Variants in OMA1 observed in about 807,000 individuals in gnomAD.
The protein encoded by OMA1 is metalloendopeptidase OMA1, mitochondrial.
Under a neutral mutation model 30.9 loss-of-function variants are expected in OMA1, and 38 were observed. That is an observed-to-expected ratio of 1.23 (90% confidence interval 0.95 to 1.61). OMA1 has a LOEUF of 1.61. Ranked by LOEUF, OMA1 falls within the 40% of genes most tolerant of loss-of-function variation. The pLI, the probability that OMA1 is intolerant of heterozygous loss-of-function variation, is 0.00. For missense variants in OMA1, 461 were observed against 349.2 expected (o/e 1.32, Z -2.55); for synonymous variants, 173 against 121.9 (o/e 1.42, Z -2.76).
At chr1:58,542,628 T>C (rs925840865) in intron 1 of OMA1, 3 of 152,190 alleles carry the variant, frequency 2.0e-5, no homozygotes, top group Admixed American at 1.3e-4. Context: ...AAGGTTTAAA[T>C]GTAAAGTCTT....
At chr1:58,540,960 A>C (rs1396433004) in intron 1 of OMA1, among the ~76,000 whole-genome samples, 1 of 152,164 alleles carries the variant, frequency 6.6e-6, no homozygotes, top group Non-Finnish European at 1.5e-5. Flanking sequence ...CTTAAAATCA[A>C]TGAAAGATAA....
intron 3 of OMA1, among the ~76,000 whole-genome samples, chr1:58,535,941 A>G (rs969794064): frequency 6.6e-5 from 10 of 152,158 alleles, no homozygotes; most frequent in African/African-American, 2.4e-4. Context: ...TTCAATAAAT[A>G]TATACTAAGC....
intron 7 of OMA1, among the ~76,000 whole-genome samples, chr1:58,522,355 AAATTT>A (rs1200874091): frequency 2.0e-5 from 3 of 152,174 alleles, no homozygotes; most frequent in African/African-American, 7.2e-5. Flanking sequence ...GCATTTGATA[AAATTT>A]AATATATATA....
intron 1 of OMA1, among the ~76,000 whole-genome samples, chr1:58,545,395 C>CA (rs1646685218): frequency 6.6e-6 from 1 of 152,102 alleles, no homozygotes; most frequent in Non-Finnish European, 1.5e-5. Flanking sequence ...TGAATAGAAA[C>CA]AGTGCCTGAT....
intron 8 of OMA1, among the ~76,000 whole-genome samples, chr1:58,497,833 TTCTG>T (rs1289076447): frequency 3.3e-5 from 5 of 152,114 alleles, no homozygotes; most frequent in Admixed American, 6.6e-5. Flanking sequence ...CCCTGCACCT[TTCTG>T]TCTTAGTTTC....
chr1:58,529,132 C>G (rs1052723724), intron 6 of OMA1, among the ~76,000 whole-genome samples: 19 of 152,240 alleles, frequency 1.2e-4, no homozygotes, highest in African/African-American at 4.6e-4. Flanking sequence ...TTTATTTTCT[C>G]TTTAAGAACC....
intron 7 of OMA1, among the ~76,000 whole-genome samples, chr1:58,511,129 C>T (rs1421357205): frequency 6.6e-6 from 1 of 152,088 alleles, no homozygotes; most frequent in East Asian, 1.9e-4. Flanking sequence ...AAAAACGATC[C>T]TAAAATTCAC....
chr1:58,511,010 T>C (rs1038372233), intron 7 of OMA1, among the ~76,000 whole-genome samples: 3 of 152,188 alleles, frequency 2.0e-5, no homozygotes, highest in African/African-American at 7.2e-5. Context: ...CCCATGTTCA[T>C]GGATTGTAAG....
chr1:58,487,902 G>T (rs1043983100), intron 8 of OMA1, among the ~76,000 whole-genome samples: 8 of 151,182 alleles, frequency 5.3e-5, no homozygotes, highest in Non-Finnish European at 1.2e-4. Context: ...GCATGTTACC[G>T]TACCTCTTCT....
Position 58,538,848 on chromosome 1 carries a change from G to T in OMA1, c.447C>A (p.Leu149=), listed in dbSNP as rs773933149. The T allele has an allele frequency of 5.8e-6, 5 of 869,124 alleles. No individual in the cohort carries two copies. The highest frequency in any genetic ancestry group is 1.0e-5 in the Non-Finnish European group (5 of 500,716). 53.8% of individuals were successfully genotyped at this position (869,124 alleles called of 1,614,324 possible). A position where few individuals can be genotyped will look rare whatever the true frequency, so the allele number is the denominator to read the frequency against. Reference sequence around the variant, plus strand: ...GTACTGGTTTAAGAATCATCAACAAGAGAGGAACCGGAGCAGCTTGAAACC... The same window carrying T: ...GTACTGGTTTAAGAATCATCAACAATAGAGGAACCGGAGCAGCTTGAAACC... ...SPRFQAAPVP[L]LLMILKPVQK... Residue 149 remains leucine, a synonymous_variant, in exon 2 of 9, where the codon CTC becomes CTA. Transcript: ENST00000371226.
intron 3 of OMA1, among the ~76,000 whole-genome samples, chr1:58,535,660 A>T (rs1247309928): frequency 6.6e-6 from 1 of 151,822 alleles, no homozygotes; most frequent in Non-Finnish European, 1.5e-5. Context: ...CTGGACATGA[A>T]TTCGAAAAAT....
chr1:58,532,655 A>G (rs61781819), intron 5 of OMA1, among the ~76,000 whole-genome samples: 17,906 of 152,068 alleles, frequency 0.12, 1,251 homozygotes, highest in African/African-American at 0.18. Context: ...AGGCTCCAGA[A>G]CAGCTGGAAC....
intron 8 of OMA1, among the ~76,000 whole-genome samples, chr1:58,497,688 C>T (rs1350004176): frequency 6.6e-6 from 1 of 152,148 alleles, no homozygotes; most frequent in Non-Finnish European, 1.5e-5. Flanking sequence ...GTATGTCTCC[C>T]TCTCTGTACC....
intron 8 of OMA1, among the ~76,000 whole-genome samples, chr1:58,487,392 A>G (rs1645594081): frequency 6.6e-6 from 1 of 152,256 alleles, no homozygotes. Context: ...ATAATATCGT[A>G]TTGTCAATTA....
At chr1:58,509,536 T>TA (rs59473637) in intron 7 of OMA1, among the ~76,000 whole-genome samples, 20,872 of 116,742 alleles carry the variant, frequency 0.18, 1,627 homozygotes, top group Middle Eastern at 0.28. Context: ...ACACCTACAT[T>TA]AAAAAAAAAA....
intron 8 of OMA1, among the ~76,000 whole-genome samples, chr1:58,485,819 ACG>A (rs1025776527): frequency 6.6e-6 from 1 of 152,182 alleles, no homozygotes; most frequent in African/African-American, 2.4e-5. Context: ...CACTTAACAA[ACG>A]CATGCTAAAT....
chr1:58,501,748 CAT>C (rs2100406373), intron 8 of OMA1, among the ~76,000 whole-genome samples: 1 of 152,292 alleles, frequency 6.6e-6, no homozygotes, highest in South Asian at 2.1e-4. Context: ...GCTAAGGACT[CAT>C]GTGTTCCTCT....
At chr1:58,520,594 G>A (rs1171537145) in intron 7 of OMA1, among the ~76,000 whole-genome samples, 2 of 152,054 alleles carry the variant, frequency 1.3e-5, no homozygotes, top group Non-Finnish European at 2.9e-5. Flanking sequence ...ACACACACAA[G>A]AACACAGGAG....
chr1:58,487,309 T>C (rs755205772), intron 8 of OMA1, among the ~76,000 whole-genome samples: 99 of 152,234 alleles, frequency 6.5e-4, no homozygotes, highest in African/African-American at 2.2e-3. Flanking sequence ...TCTGTTTTAA[T>C]AGCTTTTCTT....
Sources: gnomAD v4.1 joint callset for allele counts (sites outside exome capture counted in the v4.1 genomes callset) on GRCh38, gnomAD v4.1.1 for gene constraint, MANE v1.5 for transcripts, NCBI Gene and HGNC (gene_info 2026-07-23, HGNC 2026-07-21) for gene names.